The following CCNY variants were observed in gnomAD, a reference collection of about 807,000 sequenced individuals.
CCNY encodes cyclin Y, also known as cyclin-Y.
CCNY carries 19 observed loss-of-function variants against 42.8 expected under a neutral mutation model. The observed-to-expected ratio is 0.44, with a 90% CI of 0.31 to 0.65. The LOEUF (loss-of-function observed/expected upper bound fraction) is 0.65. Among genes scored for constraint, CCNY ranks in the 30% least tolerant of loss-of-function variants. The pLI is 0.07. For synonymous variants in CCNY, 165 were observed against 162.7 expected (o/e 1.01, Z -0.11); for missense variants, 370 against 437.3 (o/e 0.85, Z 1.37).
chr10:35,377,181 TAA>T (rs1310707799), intron 1 of CCNY, among the ~76,000 whole-genome samples: 1 of 152,222 alleles, frequency 6.6e-6, no homozygotes, highest in African/African-American at 2.4e-5. Flanking sequence ...TAGTGTAGCC[TAA>T]GTGTACAGTG....
intron 9 of CCNY, among the ~76,000 whole-genome samples, chr10:35,568,693 C>T (rs1454348277): frequency 1.3e-5 from 2 of 152,206 alleles, no homozygotes; most frequent in Non-Finnish European, 2.9e-5. Flanking sequence ...CTGTTCTTGC[C>T]CCGCTTGCAG....
Position 35,548,615 on chromosome 10 carries a change from T to C in CCNY, c.580-4404T>C, listed in dbSNP as rs1841172415. On this transcript the variant is annotated intron_variant, in intron 7 of 9. Coordinates refer to ENST00000374704, the MANE Select transcript of CCNY (RefSeq NM_145012.6). ...CCAGCCAAGAAAATATATTTCCCAT[T>C]CATTAAGTGGAAGTGGATCATCATA... is the stretch of plus-strand genomic sequence containing the variant. Among the ~76,000 whole-genome samples, 3 of 152,014 alleles carry C rather than the reference T, an allele frequency of 2.0e-5. No homozygotes were observed. The South Asian group carries it at 6.2e-4, about 32-fold the overall frequency.
chr10:35,425,149 A>T (rs564876449), intron 1 of CCNY, among the ~76,000 whole-genome samples: 72 of 152,308 alleles, frequency 4.7e-4, no homozygotes, highest in Non-Finnish European at 9.7e-4. Context: ...TGCCAGGCCG[A>T]TGTTGGAGCC....
intron 3 of CCNY, chr10:35,289,390 G>A (rs1050200792): frequency 6.6e-6 from 1 of 151,732 alleles, no homozygotes; most frequent in African/African-American, 2.4e-5. Flanking sequence ...TTACTTTATT[G>A]CATCATCTAG....
intron 1 of CCNY, among the ~76,000 whole-genome samples, chr10:35,476,752 A>G (rs1474567949): frequency 6.6e-6 from 1 of 151,560 alleles, no homozygotes; most frequent in South Asian, 2.1e-4. Flanking sequence ...AAACACATTC[A>G]AAAGCTAGCA....
At chr10:35,324,017 CAA>C (rs35546209) in intron 3 of CCNY, among the ~76,000 whole-genome samples, 253 of 135,094 alleles carry the variant, frequency 1.9e-3, no homozygotes, top group African/African-American at 4.2e-3. Context: ...GACTTTGCCT[CAA>C]AAAAAAAAAA....
chr10:35,352,615 G>T (rs1836452426), intron 1 of CCNY, among the ~76,000 whole-genome samples: 1 of 152,216 alleles, frequency 6.6e-6, no homozygotes, highest in Non-Finnish European at 1.5e-5. Context: ...CAGCCTCCCT[G>T]CTGGATGCTG....
chr10:35,273,989 A>C (rs1835205865), intron 3 of CCNY, among the ~76,000 whole-genome samples: 1 of 152,176 alleles, frequency 6.6e-6, no homozygotes, highest in African/African-American at 2.4e-5. Context: ...CCAAGTGTGG[A>C]ATTTGCTACC....
At chr10:35,500,646 A>G (rs1840092322) in intron 2 of CCNY, among the ~76,000 whole-genome samples, 1 of 152,210 alleles carries the variant, frequency 6.6e-6, no homozygotes, top group South Asian at 2.1e-4. Flanking sequence ...AAATGTGTTG[A>G]TGGATTCATC....
At chr10:35,464,771 G>C (rs895635540) in intron 1 of CCNY, among the ~76,000 whole-genome samples, 1 of 152,114 alleles carries the variant, frequency 6.6e-6, no homozygotes, top group Non-Finnish European at 1.5e-5. Context: ...TTTCTCTTAA[G>C]GAACACCTAC....
At chr10:35,435,281 C>T (rs1838504662) in intron 1 of CCNY, among the ~76,000 whole-genome samples, 1 of 152,190 alleles carries the variant, frequency 6.6e-6, no homozygotes, top group African/African-American at 2.4e-5. Context: ...TAATCAGTTT[C>T]CTTGTCTGTG....
At chr10:35,354,949 A>G (rs1042923668) in intron 1 of CCNY, among the ~76,000 whole-genome samples, 3 of 152,048 alleles carry the variant, frequency 2.0e-5, no homozygotes, top group African/African-American at 7.2e-5. Context: ...TAAAATAGCT[A>G]TTTTTCTTTG....
At chr10:35,473,247 A>C (rs957559379) in intron 1 of CCNY, among the ~76,000 whole-genome samples, 1 of 152,218 alleles carries the variant, frequency 6.6e-6, no homozygotes, top group African/African-American at 2.4e-5. Context: ...GGCCGGCCAC[A>C]TGCCCACCTG....
chr10:35,337,362 G>T (rs1350791948), intron 1 of CCNY, among the ~76,000 whole-genome samples, 155 bp downstream of exon 1: 1 of 152,160 alleles, frequency 6.6e-6, no homozygotes, highest in Non-Finnish European at 1.5e-5. Flanking sequence ...CCGGGGCCCC[G>T]CAGCCTCTGG....
At chr10:35,323,453 A>G (rs564972867) in intron 3 of CCNY, among the ~76,000 whole-genome samples, 1 of 152,364 alleles carries the variant, frequency 6.6e-6, no homozygotes, top group South Asian at 2.1e-4. Context: ...ACTCAGTGAT[A>G]AACAGAAATG....
intron 3 of CCNY, among the ~76,000 whole-genome samples, chr10:35,292,936 C>T (rs772393928): frequency 2.4e-4 from 36 of 151,532 alleles, no homozygotes; most frequent in South Asian, 6.3e-4. Context: ...CCTGTTACCA[C>T]GCCTAGCTAA....
At chr10:35,347,180 G>A (rs1293447871) in intron 1 of CCNY, among the ~76,000 whole-genome samples, 1 of 152,236 alleles carries the variant, frequency 6.6e-6, no homozygotes, top group African/African-American at 2.4e-5. Flanking sequence ...TACTGGGGAT[G>A]TATAGTGGGG....
chr10:35,405,767 C>T (rs960195272), intron 1 of CCNY, among the ~76,000 whole-genome samples: 23 of 152,194 alleles, frequency 1.5e-4, no homozygotes, highest in Non-Finnish European at 2.8e-4. Context: ...GGCTATTGGG[C>T]AGTGTCAGTC....
Position 35,553,202 on chromosome 10 carries a change from AG to A in CCNY, c.746+20del, listed in dbSNP as rs752974472. On this transcript the variant is annotated intron_variant, in intron 8 of 9. Coordinates refer to ENST00000374704, the MANE Select transcript of CCNY (RefSeq NM_145012.6). Reference sequence around the variant, plus strand: ...GGAGGACATGTGAGTTGGGGGGCAGAGGGTGTTGGTCATCAGAGTCTTGGCC... The same window carrying A: ...GGAGGACATGTGAGTTGGGGGGCAGAGGTGTTGGTCATCAGAGTCTTGGCC... 6.2e-7 allele frequency: 1 copy of A among 1,611,858 alleles called. No individual in the cohort carries two copies. Among genetic ancestry groups the A allele is most frequent in the South Asian group, 1.1e-5 (1 of 90,980 alleles).
Sources: allele counts gnomAD v4.1 joint callset (sites outside exome capture counted in the v4.1 genomes callset), GRCh38; gene constraint gnomAD v4.1.1; transcripts MANE v1.5; gene names NCBI Gene and HGNC (gene_info 2026-07-23, HGNC 2026-07-21).